The following ACTR8 variants were observed in gnomAD, a reference collection of about 807,000 sequenced individuals.
ACTR8 encodes the protein actin-related protein 8.
In ACTR8, 70 loss-of-function variants were observed where a neutral mutation model predicts 84.3. That is an observed-to-expected ratio of 0.83 (90% CI 0.68 to 1.01). The LOEUF (loss-of-function observed/expected upper bound fraction) is 1.01. Ranked by LOEUF, ACTR8 falls within the 50% of genes least tolerant of loss-of-function variation. The pLI, the probability that ACTR8 is intolerant of heterozygous loss-of-function variation, is 0.00. For missense variants in ACTR8, 672 were observed against 775.4 expected (o/e 0.87, Z 1.58); for synonymous variants, 268 against 275.2 (o/e 0.97, Z 0.26).
chr3:53,865,084 C>G, downstream of ACTR8: 1 of 1,614,102 alleles, frequency 6.2e-7, no homozygotes. Context: ...TGCCTTTAAC[C>G]TTTTCTGCAG....
At chr3:53,879,577 G>A (rs1162351090) in intron 2 of ACTR8, among the ~76,000 whole-genome samples, 1 of 152,100 alleles carries the variant, frequency 6.6e-6, no homozygotes, top group Admixed American at 6.5e-5. Context: ...GAAAATAAGA[G>A]TTTGACTTAT....
rs1051652747 is a variant in ACTR8 at position 53,867,940 on chromosome 3, A to G, written c.*779T>C. 11 of 152,230 alleles carry G rather than the reference A, an allele frequency of 7.2e-5. No homozygotes were observed. The highest frequency in any genetic ancestry group is 2.7e-4 in the African/African-American group (11 of 41,458). The allele number at this position is 152,230 out of a possible 1,614,324, so 9.4% of individuals were successfully genotyped here. On this transcript the variant is annotated 3_prime_UTR_variant, in exon 13 of 13. Coordinates refer to ENST00000335754, the MANE Select transcript of ACTR8 (RefSeq NM_022899.5). ...TATTAATAACTACATCAGTCACCAT[A>G]TCTGTACAACACAAGGACTCTTAAA...
chr3:53,868,188 A>G lies in ACTR8; in HGVS notation c.*531T>C, dbSNP rs921692920. ...TTTTCTGTAATCCAACAGAAAATGA[A>G]AAAAAAAACAAAAACCACCAAAACT... is the stretch of plus-strand genomic sequence containing the variant. On this transcript the variant is annotated 3_prime_UTR_variant, in exon 13 of 13. Coordinates refer to ENST00000335754, the MANE Select transcript of ACTR8 (RefSeq NM_022899.5). 4.6e-4 allele frequency: 1 copy of G among 2,166 alleles called. No homozygotes were observed. The highest frequency in any genetic ancestry group is 6.8e-3 in the Admixed American group (1 of 146). The allele number at this position is 2,166 out of a possible 1,614,324, so 0.1% of individuals were successfully genotyped here. A position where few individuals can be genotyped will look rare whatever the true frequency, so the allele number is the denominator to read the frequency against.
In ACTR8 at chr3:53,882,021, C is replaced by T. The variant is rs756794248; in HGVS notation, c.81G>A (p.Lys27=). ...GCACCAGCGCGGGCACGATGGGCCG[C>T]TTCACGCCGCGCTGCTCCTTCTCCT... is the stretch of plus-strand genomic sequence containing the variant. ...GEKEKEQRGV[K]RPIVPALVPE... is the part of the protein sequence containing the mutation. Residue 27 remains lysine, a synonymous_variant, in exon 1 of 13, where the codon AAG becomes AAA. Transcript: ENST00000335754. 59 of 1,551,836 alleles carry T rather than the reference C, an allele frequency of 3.8e-5. No homozygotes were observed. The highest frequency in any genetic ancestry group is 4.9e-5 in the Non-Finnish European group (56 of 1,147,028).
intron 2 of ACTR8, among the ~76,000 whole-genome samples, chr3:53,879,293 A>G (rs1700025005): frequency 6.6e-6 from 1 of 152,212 alleles, no homozygotes. Flanking sequence ...TGCTTGTTAC[A>G]CTAAAAAATG....
Position 53,876,730 on chromosome 3 carries a change from A to AGG in ACTR8, c.685-18_685-17insCC. ...TCTATAATACTAAAAAGAAGAACAA[A>AGG]GATAAAAGGGTTAGCACTCAAGTCT... On this transcript the variant is annotated splice_polypyrimidine_tract_variant and intron_variant, in intron 5 of 12. Transcript: ENST00000335754. The AGG allele has an allele frequency of 7.2e-7, 1 of 1,381,836 alleles. No homozygotes were observed. The highest frequency in any genetic ancestry group is 1.0e-6 in the Non-Finnish European group (1 of 991,640). The allele number at this position is 1,381,836 out of a possible 1,614,324, so 85.6% of individuals were successfully genotyped here.
In ACTR8 at chr3:53,868,738, C is replaced by G. The variant is rs781042991; in HGVS notation, c.1856G>C (p.Arg619Pro). 6.2e-7 allele frequency: 1 copy of G among 1,614,122 alleles called. No homozygotes were observed. The highest frequency in any genetic ancestry group is 8.5e-7 in the Non-Finnish European group (1 of 1,180,012). ...QRFGVRMLRE[R>P]AAFVW ...CCCCATTCACCACACAAACGCAGCC[C>G]GCTCTCGTAACATGCGGACACCAAA... Residue 619 changes from arginine to proline, a missense_variant, in exon 13 of 13, where the codon CGG becomes CCG. Transcript: ENST00000335754.
intron 12 of ACTR8, 22 bp downstream of exon 12, chr3:53,869,960 C>A: frequency 6.2e-7 from 1 of 1,612,768 alleles, no homozygotes; most frequent in Non-Finnish European, 8.5e-7. Flanking sequence ...TACAGTCCAA[C>A]TTGCACAATG....
At position 53,867,725 on chromosome 3, in the gene ACTR8, T is replaced by G. The variant is rs1318432173; in HGVS notation, c.*994A>C. ...GTTCCTACCTCTGGACAATGCTTTC[T>G]CTTCCTCCTGGGCTCAGAGGGCTTC... is the stretch of plus-strand genomic sequence containing the variant. On this transcript the variant is annotated 3_prime_UTR_variant, in exon 13 of 13. Transcript: ENST00000335754. The G allele has an allele frequency of 6.6e-6, 1 of 152,220 alleles. No individual in the cohort carries two copies. Among genetic ancestry groups the G allele is most frequent in the Non-Finnish European group, 1.5e-5 (1 of 68,052 alleles). 9.4% of individuals were successfully genotyped at this position (152,220 alleles called of 1,614,324 possible).
In ACTR8 at chr3:53,882,105, G is replaced by A; in HGVS notation, c.-4C>T. 6.4e-7 allele frequency: 1 copy of A among 1,551,416 alleles called. No homozygotes were observed. Among genetic ancestry groups the A allele is most frequent in the Non-Finnish European group, 8.7e-7 (1 of 1,146,784 alleles). On this transcript the variant is annotated 5_prime_UTR_variant, in exon 1 of 13. Transcript: ENST00000335754. The stretch of plus-strand genomic sequence containing the variant: ...CACCCTTCTCAGCCTGGGTCATTAT[G>A]GCCGGAGACACCCACCAACCTCTCG...
intron 2 of ACTR8, 76 bp downstream of exon 2, chr3:53,879,863 G>T (rs1026742354): frequency 2.2e-6 from 3 of 1,353,992 alleles, no homozygotes; most frequent in South Asian, 1.6e-5. Flanking sequence ...GTTTCTTTAA[G>T]ATTCTGGTGT....
chr3:53,871,486 G>C lies in ACTR8; in HGVS notation c.1313C>G (p.Ala438Gly). Residue 438 changes from alanine (A) to glycine (G), a missense_variant, in exon 11 of 13, where the codon GCT (alanine) becomes GGT (glycine). Ala to Gly is a moderately conservative substitution (Grantham distance 60). Coordinates refer to ENST00000335754, the MANE Select transcript of ACTR8 (RefSeq NM_022899.5). ...GGATGCAGACTTTCGGTCAGCAGTAGCTTTTGCAGACTTTAAATCAAAAGG... is the reference window on the plus strand; with the variant it reads ...GGATGCAGACTTTCGGTCAGCAGTACCTTTTGCAGACTTTAAATCAAAAGG... ...TQSKQEQSAK[A>G]TADRKSASKP... 6.2e-7 allele frequency: 1 copy of C among 1,613,962 alleles called. No individual in the cohort carries two copies. Among genetic ancestry groups the C allele is most frequent in the Non-Finnish European group, 8.5e-7 (1 of 1,179,980 alleles).
downstream of ACTR8, among the ~76,000 whole-genome samples, chr3:53,866,507 A>G (rs183068459): frequency 2.0e-3 from 307 of 151,502 alleles, 13 homozygotes; most frequent in South Asian, 0.038. Flanking sequence ...TTTGAGACAG[A>G]GTTTCACTCT....
At chr3:53,879,205 T>G (rs1248348735) in intron 2 of ACTR8, among the ~76,000 whole-genome samples, 1 of 152,186 alleles carries the variant, frequency 6.6e-6, no homozygotes, top group East Asian at 1.9e-4. Context: ...AATTATAAGA[T>G]CCAAAGATAA....
downstream of ACTR8, among the ~76,000 whole-genome samples, chr3:53,864,290 A>G (rs1699688707): frequency 6.6e-6 from 1 of 152,134 alleles, no homozygotes; most frequent in Non-Finnish European, 1.5e-5. Context: ...TAATCCCAGC[A>G]CTCTGGGAGG....
chr3:53,868,824 T>C lies in ACTR8; in HGVS notation c.1770A>G (p.Ala590=). ...GTGTTGTATCCAAACAAGCCAACAC[T>C]GCCCCTCCTTTCCATGCAATCAGCC... ...DPRLIAWKGG[A]VLACLDTTQE... The change falls in exon 13 of 13, where the codon GCA becomes GCG. Residue 590 remains alanine (A), a synonymous_variant. Transcript: ENST00000335754. The C allele has an allele frequency of 1.2e-6, 2 of 1,614,182 alleles. No homozygotes were observed. The highest frequency in any genetic ancestry group is 1.7e-6 in the Non-Finnish European group (2 of 1,180,024).
At chr3:53,864,778 A>G, downstream of ACTR8, 1 of 1,612,802 alleles carries the variant, frequency 6.2e-7, no homozygotes, top group South Asian at 1.1e-5. Context: ...TTCTACCACC[A>G]CACTACTGCC....
Position 53,868,639 on chromosome 3 carries a change from T to A in ACTR8, c.*80A>T. On this transcript the variant is annotated 3_prime_UTR_variant, in exon 13 of 13. Coordinates refer to ENST00000335754, the MANE Select transcript of ACTR8 (RefSeq NM_022899.5). ...ACACTTAAGCATCCAGATCAATAAATTACAATACACATATTCTGTAAGAGT... is the reference window on the plus strand; with the variant it reads ...ACACTTAAGCATCCAGATCAATAAAATACAATACACATATTCTGTAAGAGT... The A allele has an allele frequency of 6.5e-7, 1 of 1,547,390 alleles. No homozygotes were observed.
chr3:53,876,797 C>G lies in ACTR8; in HGVS notation c.685-84G>C, dbSNP rs923395187. 3.3e-5 allele frequency: 22 copies of G among 672,078 alleles called. No homozygotes were observed. In the South Asian group the frequency reaches 4.4e-4, roughly 13 times the overall value. The allele number at this position is 672,078 out of a possible 1,614,324, so 41.6% of individuals were successfully genotyped here. Reference sequence around the variant, plus strand: ...CACTCCTTTTTAGAGAGACTTCCCTCCAAAGGAGTAGCAGCTACGGTTACA... The same window carrying G: ...CACTCCTTTTTAGAGAGACTTCCCTGCAAAGGAGTAGCAGCTACGGTTACA... On this transcript the variant is annotated intron_variant, in intron 5 of 12. Coordinates refer to ENST00000335754, the MANE Select transcript of ACTR8 (RefSeq NM_022899.5).
Sources: allele counts gnomAD v4.1 joint callset (sites outside exome capture counted in the v4.1 genomes callset), GRCh38; gene constraint gnomAD v4.1.1; transcripts MANE v1.5; gene names NCBI Gene and HGNC (gene_info 2026-07-23, HGNC 2026-07-21).